The following DLG2 variants were observed in gnomAD, a reference collection of about 807,000 sequenced individuals.
DLG2 encodes the protein disks large homolog 2.
DLG2 carries 45 observed loss-of-function variants against 132.5 expected under a neutral mutation model. That is an observed-to-expected ratio of 0.34 (90% CI 0.27 to 0.44). The LOEUF (loss-of-function observed/expected upper bound fraction) is 0.44, where lower values mean the gene tolerates loss of function less well. Among genes scored for constraint, DLG2 ranks in the 20% least tolerant of loss-of-function variants. The pLI is 1.00. For synonymous variants in DLG2, 424 were observed against 419.6 expected (o/e 1.01, Z -0.13); for missense variants, 1,045 against 1,196.9 (o/e 0.87, Z 1.87).
chr11:84,401,565 C>T (rs894200350), intron 7 of DLG2, among the ~76,000 whole-genome samples: 1 of 152,084 alleles, frequency 6.6e-6, no homozygotes, highest in Admixed American at 6.5e-5. Context: ...TTCTTTAGTA[C>T]ATTTAATTAA....
At chr11:84,207,243 G>T (rs768874236) in intron 8 of DLG2, among the ~76,000 whole-genome samples, 1 of 151,966 alleles carries the variant, frequency 6.6e-6, no homozygotes, top group Non-Finnish European at 1.5e-5. Context: ...AAAAGTCAAT[G>T]AAATGCCAAT....
intron 6 of DLG2, among the ~76,000 whole-genome samples, chr11:85,090,308 C>A (rs2068559297): frequency 6.6e-6 from 1 of 152,246 alleles, no homozygotes; most frequent in Middle Eastern, 3.4e-3. Flanking sequence ...GAACTCTAGG[C>A]AGTCTCACCT....
At chr11:84,262,435 A>C (rs1473297943) in intron 7 of DLG2, among the ~76,000 whole-genome samples, 1 of 152,228 alleles carries the variant, frequency 6.6e-6, no homozygotes, top group Non-Finnish European at 1.5e-5. Context: ...AAATGTGAGA[A>C]TATATCCCCA....
chr11:84,004,907 T>A, intron 11 of DLG2, among the ~76,000 whole-genome samples: 1 of 138,870 alleles, frequency 7.2e-6, no homozygotes. Flanking sequence ...CATTTTTTTT[T>A]ACAGAAATGA....
At chr11:83,740,108 A>G (rs1863306499) in intron 18 of DLG2, among the ~76,000 whole-genome samples, 1 of 152,206 alleles carries the variant, frequency 6.6e-6, no homozygotes, top group Non-Finnish European at 1.5e-5. Context: ...TTGCAAAACT[A>G]TTAAGCAGTT....
Position 85,325,408 on chromosome 11 carries a change from C to G in DLG2, c.41-40043G>C, listed in dbSNP as rs1372043601. Among the ~76,000 whole-genome samples the G allele has an allele frequency of 1.3e-4, 19 of 147,646 alleles. No individual in the cohort carries two copies. In the East Asian group the frequency reaches 3.8e-3, roughly 30 times the overall value. On this transcript the variant is annotated intron_variant, in intron 3 of 27. Coordinates refer to ENST00000376104, the MANE Select transcript of DLG2 (RefSeq NM_001142699.3). ...TTGAAGAGAGCAGTGGTTCTCCCAG[C>G]ACACAGCTGGAGATCTGAGAACGGG...
At chr11:83,596,050 C>T (rs1468875482) in intron 19 of DLG2, among the ~76,000 whole-genome samples, 1 of 152,152 alleles carries the variant, frequency 6.6e-6, no homozygotes, top group East Asian at 1.9e-4. Flanking sequence ...AGTCTCACAG[C>T]ACAGTGGACC....
chr11:84,639,035 T>C (rs1010980538), intron 6 of DLG2, among the ~76,000 whole-genome samples: 2 of 152,214 alleles, frequency 1.3e-5, no homozygotes, highest in Admixed American at 6.5e-5. Context: ...CACGTCTGCA[T>C]GAAAATACTC....
chr11:85,560,376 T>C (rs1166074631), intron 3 of DLG2, among the ~76,000 whole-genome samples: 2 of 151,918 alleles, frequency 1.3e-5, no homozygotes, highest in Non-Finnish European at 2.9e-5. Context: ...GTGATATGTG[T>C]ATATTATGGA....
intron 3 of DLG2, among the ~76,000 whole-genome samples, chr11:85,502,578 C>G (rs565942915): frequency 8.6e-5 from 13 of 150,814 alleles, no homozygotes; most frequent in Admixed American, 2.6e-4. Context: ...CATGTTCTCA[C>G]TTATAAGTTG....
intron 7 of DLG2, among the ~76,000 whole-genome samples, chr11:84,463,107 G>C (rs192579192): frequency 6.6e-6 from 1 of 151,270 alleles, no homozygotes; most frequent in African/African-American, 2.4e-5. Flanking sequence ...AAACAATCTG[G>C]ATCTGAGAGA....
chr11:83,825,120 CACATATATATAT>C (rs2052180012), intron 17 of DLG2, among the ~76,000 whole-genome samples: 1 of 123,418 alleles, frequency 8.1e-6, no homozygotes. Context: ...CATATATATA[CACATATATATAT>C]ACACACACAC....
chr11:83,862,603 T>G (rs989094157), intron 16 of DLG2, among the ~76,000 whole-genome samples: 5 of 152,054 alleles, frequency 3.3e-5, no homozygotes, highest in Admixed American at 1.3e-4. Context: ...AGTGCATAAT[T>G]GGATTGTTTG....
At chr11:83,607,503 G>T (rs2059523277) in intron 19 of DLG2, among the ~76,000 whole-genome samples, 1 of 152,226 alleles carries the variant, frequency 6.6e-6, no homozygotes, top group Admixed American at 6.5e-5. Flanking sequence ...ATCCACGACA[G>T]AGTCTTAGCA....
intron 16 of DLG2, among the ~76,000 whole-genome samples, chr11:83,847,059 T>C (rs1312973620): frequency 6.6e-6 from 1 of 152,040 alleles, no homozygotes; most frequent in Non-Finnish European, 1.5e-5. Context: ...TTGCTTTTGC[T>C]CCCTGTTGCA....
intron 6 of DLG2, among the ~76,000 whole-genome samples, chr11:84,910,136 T>C (rs1257810376): frequency 3.3e-5 from 5 of 152,184 alleles, no homozygotes; most frequent in African/African-American, 1.2e-4. Context: ...CTAATGAGAA[T>C]GGGCAGACAT....
intron 6 of DLG2, among the ~76,000 whole-genome samples, chr11:85,085,542 T>C (rs963178100): frequency 2.2e-4 from 34 of 152,070 alleles, no homozygotes; most frequent in African/African-American, 8.2e-4. Flanking sequence ...ATAAATATTA[T>C]ATTTTTACCA....
intron 4 of DLG2, among the ~76,000 whole-genome samples, chr11:85,259,563 G>A (rs1181776277): frequency 6.6e-6 from 1 of 151,874 alleles, no homozygotes; most frequent in African/African-American, 2.4e-5. Context: ...AGATCTTAAT[G>A]TAGATTTCAT....
In DLG2 at chr11:85,621,844, T is replaced by C. The variant is rs7930842; in HGVS notation, c.-93+4743A>G. 5.2e-3 allele frequency among the ~76,000 whole-genome samples: 795 copies of C among 152,326 alleles called. 8 individuals carry two copies. Among genetic ancestry groups the C allele is most frequent in the African/African-American group, 0.018 (738 of 41,554 alleles). ...AAAGGGTTTAGAATATTACATACAC[T>C]TAGTTGATAAAGCAGCAGCAGGGTT... is the stretch of plus-strand genomic sequence containing the variant. On this transcript the variant is annotated intron_variant, in intron 2 of 27. Coordinates refer to ENST00000376104, the MANE Select transcript of DLG2 (RefSeq NM_001142699.3).
Sources: gnomAD v4.1 joint callset for allele counts (sites outside exome capture counted in the v4.1 genomes callset) on GRCh38, gnomAD v4.1.1 for gene constraint, MANE v1.5 for transcripts, NCBI Gene and HGNC (gene_info 2026-07-23, HGNC 2026-07-21) for gene names.